DYNC2H1: variants seen among roughly 807,000 people sequenced by gnomAD.
DYNC2H1 encodes the protein dynein cytoplasmic 2 heavy chain 1, also known as cytoplasmic dynein 2 heavy chain 1.
DYNC2H1 carries 410 observed loss-of-function variants against 570.0 expected under a neutral mutation model. The observed-to-expected ratio is 0.72, with a 90% CI of 0.66 to 0.78. The LOEUF is 0.78. Among genes scored for constraint, DYNC2H1 ranks in the 30% least tolerant of loss-of-function variants. The pLI is 0.00. For synonymous variants in DYNC2H1, 1,688 were observed against 1,677.6 expected (o/e 1.01, Z -0.15); for missense variants, 4,865 against 5,046.4 (o/e 0.96, Z 1.09).
chr11:103,372,041 T>TTC (rs1941182721), intron 83 of DYNC2H1, among the ~76,000 whole-genome samples: 1 of 134,494 alleles, frequency 7.4e-6, no homozygotes, highest in East Asian at 2.1e-4. Context: ...TCTTTTTTTT[T>TTC]TTTTTTTTTT....
intron 83 of DYNC2H1, among the ~76,000 whole-genome samples, chr11:103,392,612 C>T (rs987802847): frequency 5.9e-5 from 9 of 152,016 alleles, no homozygotes; most frequent in East Asian, 1.9e-4. Flanking sequence ...TGTTCCTATT[C>T]GGCCATCTTG....
intron 83 of DYNC2H1, among the ~76,000 whole-genome samples, chr11:103,368,495 C>G (rs984485758): frequency 6.6e-6 from 1 of 151,924 alleles, no homozygotes; most frequent in African/African-American, 2.4e-5. Flanking sequence ...ATATTAACCC[C>G]TAATTAGATG....
intron 84 of DYNC2H1, among the ~76,000 whole-genome samples, chr11:103,431,026 A>G (rs1383745735): frequency 6.6e-6 from 1 of 152,130 alleles, no homozygotes; most frequent in African/African-American, 2.4e-5. Flanking sequence ...ATGATTGGCA[A>G]ATAGCAGCTA....
At chr11:103,384,688 T>C (rs975017110) in intron 83 of DYNC2H1, among the ~76,000 whole-genome samples, 9 of 152,202 alleles carry the variant, frequency 5.9e-5, no homozygotes, top group African/African-American at 1.9e-4. Context: ...AAGCTTAGTA[T>C]ATTGTACTCA....
intron 65 of DYNC2H1, among the ~76,000 whole-genome samples, chr11:103,247,195 A>G (rs1428893458): frequency 6.6e-6 from 1 of 152,030 alleles, no homozygotes; most frequent in African/African-American, 2.4e-5. Flanking sequence ...AGTATCTTCT[A>G]TTAAGCATTC....
intron 50 of DYNC2H1, among the ~76,000 whole-genome samples, chr11:103,200,747 T>A (rs1245400712): frequency 6.6e-6 from 1 of 152,242 alleles, no homozygotes; most frequent in Admixed American, 6.5e-5. Context: ...TTGCATTCAT[T>A]AACCTGGAAA....
chr11:103,377,217 C>T (rs951564450), intron 83 of DYNC2H1, among the ~76,000 whole-genome samples: 1 of 152,152 alleles, frequency 6.6e-6, no homozygotes, highest in Non-Finnish European at 1.5e-5. Context: ...CCTTCTCTGT[C>T]TCTTCTCCCT....
At chr11:103,418,137 C>T (rs570746263) in intron 84 of DYNC2H1, among the ~76,000 whole-genome samples, 30 of 152,114 alleles carry the variant, frequency 2.0e-4, no homozygotes, top group African/African-American at 6.3e-4. Flanking sequence ...CATTAAGCTC[C>T]ACTTCTATTC....
rs1217192220 is a variant in DYNC2H1 at position 103,163,510 on chromosome 11, T to A, written c.4611+363T>A. On this transcript the variant is annotated intron_variant, in intron 30 of 88. Transcript: ENST00000375735. The surrounding 1 kb of genome is among the most constrained non-coding windows in gnomAD (Gnocchi z 4.6). Reference sequence around the variant, plus strand: ...TCTAAGCATTGGAGCTGGCAGGAACTTAGCAGGTATTAGTGTAAATCTGAA... The same window carrying A: ...TCTAAGCATTGGAGCTGGCAGGAACATAGCAGGTATTAGTGTAAATCTGAA... Among the ~76,000 whole-genome samples, 1 of 152,160 alleles carries A rather than the reference T, an allele frequency of 6.6e-6. No individual in the cohort carries two copies.
rs951803616 is a variant in DYNC2H1 at position 103,151,110 on chromosome 11, A to G, written c.2947-1026A>G. Among the ~76,000 whole-genome samples, 3 of 152,134 alleles carry G rather than the reference A, an allele frequency of 2.0e-5. No individual in the cohort carries two copies. Among genetic ancestry groups the G allele is most frequent in the Non-Finnish European group, 4.4e-5 (3 of 68,028 alleles). ...AGGAAACTATTGTGATATGTTTTAC[A>G]GGCTAACTGGAGTTCCGTTCACGTG... On this transcript the variant is annotated intron_variant, in intron 20 of 88. Transcript: ENST00000375735. The surrounding 1 kb of genome is among the most constrained non-coding windows in gnomAD (Gnocchi z 4.6).
chr11:103,455,363 A>G (rs1944751760), intron 86 of DYNC2H1, 68 bp downstream of exon 86: 6 of 1,173,348 alleles, frequency 5.1e-6, no homozygotes, highest in Middle Eastern at 1.9e-4. Flanking sequence ...TTGACTTCCT[A>G]TTACACTGCC....
intron 83 of DYNC2H1, among the ~76,000 whole-genome samples, chr11:103,361,876 A>G (rs940602028): frequency 2.0e-5 from 3 of 152,228 alleles, no homozygotes; most frequent in African/African-American, 7.2e-5. Flanking sequence ...ACTAGGCCGA[A>G]TAGCTTCTGA....
chr11:103,243,686 A>G lies in DYNC2H1; in HGVS notation c.9820-7A>G, dbSNP rs1350683652. ...AAAAACATTACTTTTCCTTTTTTTTATACTAGAGTCGAGTGTGCCCATTTC... is the reference window on the plus strand; with the variant it reads ...AAAAACATTACTTTTCCTTTTTTTTGTACTAGAGTCGAGTGTGCCCATTTC... On this transcript the variant is annotated splice_region_variant and splice_polypyrimidine_tract_variant and intron_variant, in intron 63 of 88. Coordinates refer to ENST00000375735, the MANE Select transcript of DYNC2H1 (RefSeq NM_001377.3). The surrounding 1 kb of genome is among the most constrained non-coding windows in gnomAD (Gnocchi z 4.8). The G allele has an allele frequency of 1.3e-6, 2 of 1,576,856 alleles. No homozygotes were observed. Among genetic ancestry groups the G allele is most frequent in the Admixed American group, 1.8e-5 (1 of 56,468 alleles).
Position 103,219,907 on chromosome 11 carries a change from T to TGGAATGCCA in DYNC2H1, c.8833-8_8833-7insGGAATGCCA. Reference sequence around the variant, plus strand: ...ATTGATTGGAATGCCACTTAAATATTCTTATAGGATGCTAGTGAGCAAAAA... The same window carrying TGGAATGCCA: ...ATTGATTGGAATGCCACTTAAATATTGGAATGCCACTTATAGGATGCTAGTGAGCAAAAA... On this transcript the variant is annotated splice_polypyrimidine_tract_variant and splice_region_variant and intron_variant, in intron 55 of 88. Coordinates refer to ENST00000375735, the MANE Select transcript of DYNC2H1 (RefSeq NM_001377.3). 1 of 1,475,444 alleles carries TGGAATGCCA rather than the reference T, an allele frequency of 6.8e-7. No individual in the cohort carries two copies. Among genetic ancestry groups the TGGAATGCCA allele is most frequent in the Non-Finnish European group, 9.1e-7 (1 of 1,102,284 alleles). The allele number at this position is 1,475,444 out of a possible 1,614,324, so 91.4% of individuals were successfully genotyped here. A position where few individuals can be genotyped will look rare whatever the true frequency, so the allele number is the denominator to read the frequency against.
chr11:103,399,967 A>C, intron 84 of DYNC2H1, 95 bp downstream of exon 84: 1 of 1,009,824 alleles, frequency 9.9e-7, no homozygotes, highest in Non-Finnish European at 1.4e-6. Flanking sequence ...AGTTAATAGC[A>C]GAAGACCCGA....
chr11:103,375,516 G>A (rs1941357345), intron 83 of DYNC2H1, among the ~76,000 whole-genome samples: 1 of 152,196 alleles, frequency 6.6e-6, no homozygotes, highest in Admixed American at 6.5e-5. Flanking sequence ...GAGGGGAGCT[G>A]TACCCTGCAA....
Position 103,369,463 on chromosome 11 carries a change from T to C in DYNC2H1, c.12156+11104T>C, listed in dbSNP as rs1200422546. 6.6e-6 allele frequency among the ~76,000 whole-genome samples: 1 copy of C among 152,132 alleles called. No individual in the cohort carries two copies. Among genetic ancestry groups the C allele is most frequent in the African/African-American group, 2.4e-5 (1 of 41,448 alleles). On this transcript the variant is annotated intron_variant, in intron 83 of 88. Coordinates refer to ENST00000375735, the MANE Select transcript of DYNC2H1 (RefSeq NM_001377.3). The surrounding 1 kb of genome is among the most constrained non-coding windows in gnomAD (Gnocchi z 4.0). ...AGTGAACTGGAAGGGACACGTGACC[T>C]ACTGAGGCACCTGCTGGGGCAGCTA...
intron 47 of DYNC2H1, among the ~76,000 whole-genome samples, chr11:103,196,347 C>G (rs1297514744): frequency 6.6e-6 from 1 of 152,092 alleles, no homozygotes. Flanking sequence ...TTTTGGAAAT[C>G]TACATGGAGT....
rs747006567 is a variant in DYNC2H1, at chr11:103,479,082, A to AT, written c.12766-7dup. ...GTATTGCTTTATTTTAAAACAAGTT[A>AT]TTTTTTAAACAGGATGCATGTGGTC... On this transcript the variant is annotated splice_polypyrimidine_tract_variant and intron_variant, in intron 88 of 88. Transcript: ENST00000375735. 3.1e-6 allele frequency: 5 copies of AT among 1,612,920 alleles called. No homozygotes were observed. The highest frequency in any genetic ancestry group is 3.4e-6 in the Non-Finnish European group (4 of 1,179,310).
Sources: gnomAD v4.1 joint callset for allele counts (sites outside exome capture counted in the v4.1 genomes callset) on GRCh38, gnomAD v4.1.1 for gene constraint, Gnocchi (gnomAD v3.1) non-coding constraint, MANE v1.5 for transcripts, NCBI Gene and HGNC (gene_info 2026-07-23, HGNC 2026-07-21) for gene names.